The following TRIM37 variants were observed in gnomAD, a reference collection of about 807,000 sequenced individuals.
TRIM37 encodes the protein E3 ubiquitin-protein ligase TRIM37.
A neutral mutation model predicts 129.8 loss-of-function variants in TRIM37; 80 were observed. The ratio of observed to expected loss-of-function variants is 0.62; its 90% CI spans 0.51 to 0.74. The LOEUF (loss-of-function observed/expected upper bound fraction) is 0.74, where lower values mean the gene tolerates loss of function less well. Ranked by LOEUF, TRIM37 falls within the 30% of genes least tolerant of loss-of-function variation. TRIM37 has a pLI of 0.00. For missense variants in TRIM37, 1,054 were observed against 1,176.5 expected (o/e 0.90, Z 1.52); for synonymous variants, 389 against 387.1 (o/e 1.00, Z -0.06).
At chr17:59,025,190 G>A (rs2037096847) in intron 19 of TRIM37, among the ~76,000 whole-genome samples, 1 of 151,710 alleles carries the variant, frequency 6.6e-6, no homozygotes, top group African/African-American at 2.4e-5. Flanking sequence ...CATTCATTTG[G>A]GGAAAAACAT....
intron 12 of TRIM37, 101 bp downstream of exon 12, chr17:59,060,931 C>A: frequency 1.3e-6 from 1 of 792,412 alleles, no homozygotes; most frequent in Non-Finnish European, 2.2e-6. Context: ...TCTTAACAGA[C>A]ATACCAATAC....
intron 13 of TRIM37, among the ~76,000 whole-genome samples, 184 bp downstream of exon 13, chr17:59,056,690 AG>A (rs2040920856): frequency 8.0e-6 from 1 of 125,398 alleles, no homozygotes; most frequent in African/African-American, 3.0e-5. Flanking sequence ...AGATCGCGCC[AG>A]GGCGACAGAG....
rs1005760604 is a variant in TRIM37, at chr17:58,998,348, T to G, written c.*1029A>C. ...TACAGCAGATGAGATGTCTCTCACA[T>G]GTATATTTAATTATTCATGCTTTTT... On this transcript the variant is annotated 3_prime_UTR_variant, in exon 24 of 24. Coordinates refer to ENST00000262294, the MANE Select transcript of TRIM37 (RefSeq NM_015294.6). The G allele has an allele frequency of 1.0e-6, 1 of 985,260 alleles. No homozygotes were observed. 61.0% of individuals were successfully genotyped at this position (985,260 alleles called of 1,614,324 possible). A position where few individuals can be genotyped will look rare whatever the true frequency, so the allele number is the denominator to read the frequency against.
chr17:58,974,633 T>C, the TRIM37 span, among the ~76,000 whole-genome samples: 3 of 152,226 alleles, frequency 2.0e-5, no homozygotes, highest in African/African-American at 7.2e-5. Context: ...ATGGGTGATA[T>C]GTACATTACA....
At chr17:58,986,591 C>T (rs2031842126) in intron 24 of TRIM37, among the ~76,000 whole-genome samples, 1 of 149,840 alleles carries the variant, frequency 6.7e-6, no homozygotes, top group African/African-American at 2.5e-5. Context: ...CGGCTCACTG[C>T]AACCTCTGCC....
chr17:59,025,513 G>GT (rs1247861443), intron 19 of TRIM37, among the ~76,000 whole-genome samples: 1 of 151,822 alleles, frequency 6.6e-6, no homozygotes, highest in Admixed American at 6.6e-5. Context: ...GGAAAAAAAG[G>GT]TGGCAATGGG....
At chr17:59,089,180 G>A (rs567582433) in intron 3 of TRIM37, among the ~76,000 whole-genome samples, 1 of 152,310 alleles carries the variant, frequency 6.6e-6, no homozygotes, top group African/African-American at 2.4e-5. Context: ...CATGAGCCAG[G>A]GAGATTGAGG....
chr17:59,043,337 T>C (rs1168988943), intron 16 of TRIM37, among the ~76,000 whole-genome samples: 4 of 152,080 alleles, frequency 2.6e-5, no homozygotes, highest in Non-Finnish European at 5.9e-5. Flanking sequence ...ACTCTGGAAA[T>C]GGTCCCAAGG....
intron 16 of TRIM37, 76 bp from the exon 17 acceptor site, chr17:59,041,974 T>G: frequency 3.1e-6 from 3 of 975,592 alleles, no homozygotes; most frequent in Non-Finnish European, 4.9e-6. Context: ...ATAAATTTTA[T>G]GATATGCAGA....
chr17:59,036,218 G>A (rs980490884), intron 17 of TRIM37, among the ~76,000 whole-genome samples: 3 of 152,076 alleles, frequency 2.0e-5, no homozygotes, highest in Non-Finnish European at 2.9e-5. Context: ...GACCAGCCAG[G>A]GCAAGAGAGC....
intron 1 of TRIM37, among the ~76,000 whole-genome samples, chr17:59,106,123 T>A (rs1047078470): frequency 6.6e-6 from 1 of 152,120 alleles, no homozygotes; most frequent in African/African-American, 2.4e-5. Flanking sequence ...AGTGGCAGGG[T>A]ACATCCATCT....
intron 18 of TRIM37, among the ~76,000 whole-genome samples, chr17:59,030,056 C>G (rs57942089): frequency 6.6e-6 from 1 of 152,122 alleles, no homozygotes; most frequent in Admixed American, 6.5e-5. Flanking sequence ...CAATCTCACA[C>G]CCTTGGTTTT....
chr17:59,079,892 G>A lies in TRIM37; in HGVS notation c.493-15C>T, dbSNP rs562292846. The A allele has an allele frequency of 9.9e-6, 16 of 1,612,788 alleles. No homozygotes were observed. The African/African-American group carries it at 1.7e-4, about 17-fold the overall frequency. ...ACATTCCTTTCCTAGAAGATAAAGAGGTAAGAATAATTTTAATTGGGTAAA... is the reference window on the plus strand; with the variant it reads ...ACATTCCTTTCCTAGAAGATAAAGAAGTAAGAATAATTTTAATTGGGTAAA... On this transcript the variant is annotated splice_polypyrimidine_tract_variant and intron_variant, in intron 6 of 23. Coordinates refer to ENST00000262294, the MANE Select transcript of TRIM37 (RefSeq NM_015294.6).
chr17:59,052,981 T>TCAAATCAAAC (rs1259682029), intron 13 of TRIM37, among the ~76,000 whole-genome samples: 1 of 151,520 alleles, frequency 6.6e-6, no homozygotes, highest in African/African-American at 2.4e-5. Flanking sequence ...TCAAATCAAA[T>TCAAATCAAAC]CAAATCAAAT....
At chr17:58,991,175 C>CAAAA (rs71145510) in intron 24 of TRIM37, among the ~76,000 whole-genome samples, 2 of 83,666 alleles carry the variant, frequency 2.4e-5, no homozygotes, top group Non-Finnish European at 4.7e-5. Flanking sequence ...AACTCTGTCT[C>CAAAA]AAAAAAAAAA....
Position 59,093,977 on chromosome 17 carries a change from C to G in TRIM37, c.124-2637G>C, listed in dbSNP as rs1467714620. On this transcript the variant is annotated intron_variant, in intron 2 of 23. Transcript: ENST00000262294. ...TGGTGCAATCTCAACTCACTGCAACCTCTGCCTCCCGGGTTCAAGCAATTC... is the reference window on the plus strand; with the variant it reads ...TGGTGCAATCTCAACTCACTGCAACGTCTGCCTCCCGGGTTCAAGCAATTC... 2.0e-5 allele frequency among the ~76,000 whole-genome samples: 3 copies of G among 152,190 alleles called. No homozygotes were observed. The East Asian group carries it at 5.8e-4, about 29-fold the overall frequency.
At chr17:59,071,565 G>A (rs952262434) in intron 8 of TRIM37, among the ~76,000 whole-genome samples, 1 of 152,022 alleles carries the variant, frequency 6.6e-6, no homozygotes, top group Non-Finnish European at 1.5e-5. Context: ...GATTACATGC[G>A]TGAGCCACCG....
chr17:59,005,497 C>G (rs1370883351), intron 22 of TRIM37, among the ~76,000 whole-genome samples: 1 of 152,146 alleles, frequency 6.6e-6, no homozygotes, highest in Non-Finnish European at 1.5e-5. Context: ...ACTGGCCAAG[C>G]TGGTCTCGAA....
intron 13 of TRIM37, among the ~76,000 whole-genome samples, chr17:59,055,021 A>C (rs2040702062): frequency 6.6e-6 from 1 of 152,056 alleles, no homozygotes; most frequent in Non-Finnish European, 1.5e-5. Flanking sequence ...TGTAAATACT[A>C]CACCAACAAT....
Sources: allele counts gnomAD v4.1 joint callset (sites outside exome capture counted in the v4.1 genomes callset), GRCh38; gene constraint gnomAD v4.1.1; transcripts MANE v1.5; gene names NCBI Gene and HGNC (gene_info 2026-07-23, HGNC 2026-07-21).